Variants in OMA1 observed in about 807,000 individuals in gnomAD.
OMA1 encodes metalloendopeptidase OMA1, mitochondrial.
In OMA1, 38 loss-of-function variants were observed where a neutral mutation model predicts 30.9. The observed-to-expected ratio is 1.23, with a 90% CI of 0.95 to 1.61. OMA1 has a LOEUF of 1.61. OMA1 is among the 40% of genes most tolerant of loss of function. OMA1 has a pLI of 0.00. For synonymous variants in OMA1, 173 were observed against 121.9 expected (o/e 1.42, Z -2.76); for missense variants, 461 against 349.2 (o/e 1.32, Z -2.55).
chr1:58,485,243 A>T, intron 8 of OMA1, among the ~76,000 whole-genome samples: 1 of 149,898 alleles, frequency 6.7e-6, no homozygotes, highest in South Asian at 2.1e-4. Flanking sequence ...AAAAAAAAAA[A>T]AAAAAAAAAA....
intron 1 of OMA1, among the ~76,000 whole-genome samples, chr1:58,543,831 C>G (rs1646659643): frequency 6.6e-6 from 1 of 152,186 alleles, no homozygotes; most frequent in Non-Finnish European, 1.5e-5. Flanking sequence ...CACCATACAA[C>G]AGACCTTTCT....
At chr1:58,499,129 G>A (rs933579891) in intron 8 of OMA1, among the ~76,000 whole-genome samples, 1 of 151,804 alleles carries the variant, frequency 6.6e-6, no homozygotes, top group Non-Finnish European at 1.5e-5. Flanking sequence ...AATAAGCCAG[G>A]TACAGAAAGA....
chr1:58,490,895 T>C (rs1645673253), intron 8 of OMA1, among the ~76,000 whole-genome samples: 1 of 134,916 alleles, frequency 7.4e-6, no homozygotes, highest in African/African-American at 2.7e-5. Context: ...AAGCTCTGCC[T>C]CCTGGGTTCA....
At chr1:58,488,629 T>C (rs897527945) in intron 8 of OMA1, among the ~76,000 whole-genome samples, 1 of 152,178 alleles carries the variant, frequency 6.6e-6, no homozygotes, top group Non-Finnish European at 1.5e-5. Flanking sequence ...TTTTTGTATT[T>C]TTAGTAGAGA....
intron 7 of OMA1, among the ~76,000 whole-genome samples, chr1:58,512,424 C>G (rs1388768658): frequency 2.6e-5 from 4 of 152,174 alleles, no homozygotes; most frequent in Admixed American, 1.3e-4. Context: ...GAGTTGAAAT[C>G]AGGATCTCAA....
chr1:58,511,380 GT>G (rs1046534225), intron 7 of OMA1, among the ~76,000 whole-genome samples: 1 of 152,124 alleles, frequency 6.6e-6, no homozygotes, highest in Non-Finnish European at 1.5e-5. Flanking sequence ...AGGTATGGTG[GT>G]TCATATCTGT....
At chr1:58,523,426 T>C (rs1163822546) in intron 7 of OMA1, among the ~76,000 whole-genome samples, 1 of 152,170 alleles carries the variant, frequency 6.6e-6, no homozygotes, top group Non-Finnish European at 1.5e-5. Flanking sequence ...TTCTCTTCAA[T>C]AGCAGTAACA....
At chr1:58,490,667 A>C (rs1368342057) in intron 8 of OMA1, among the ~76,000 whole-genome samples, 2 of 152,234 alleles carry the variant, frequency 1.3e-5, no homozygotes, top group Non-Finnish European at 2.9e-5. Flanking sequence ...GAAATGAAGG[A>C]AAAAATGTTA....
At chr1:58,535,135 G>C (rs1271567758) in intron 3 of OMA1, among the ~76,000 whole-genome samples, 1 of 152,152 alleles carries the variant, frequency 6.6e-6, no homozygotes, top group African/African-American at 2.4e-5. Flanking sequence ...TGAATTCTCA[G>C]AACTAATGAG....
chr1:58,530,486 G>T, intron 6 of OMA1, 115 bp downstream of exon 6: 1 of 614,648 alleles, frequency 1.6e-6, no homozygotes, highest in South Asian at 2.4e-5. Flanking sequence ...CTAAAAATTC[G>T]TACCCATATT....
chr1:58,542,956 T>C (rs1244105662), intron 1 of OMA1, among the ~76,000 whole-genome samples: 4 of 149,600 alleles, frequency 2.7e-5, no homozygotes, highest in Non-Finnish European at 5.9e-5. Context: ...AACAAAGCAA[T>C]ATGAAAGCAA....
At chr1:58,493,065 A>G (rs1286135579) in intron 8 of OMA1, among the ~76,000 whole-genome samples, 1 of 152,222 alleles carries the variant, frequency 6.6e-6, no homozygotes, top group African/African-American at 2.4e-5. Context: ...AAGCTTATCC[A>G]CCATGATCAA....
rs141102685 is a variant in OMA1 at position 58,514,949 on chromosome 1, T to G, written c.1216-8740A>C. Among the ~76,000 whole-genome samples the G allele has an allele frequency of 1.7e-3, 254 of 152,292 alleles. No homozygotes were observed. The Middle Eastern group carries it at 0.017, about 10-fold the overall frequency. Reference sequence around the variant, plus strand: ...GTTTACCTATACCTCACAGGGTTGTTATGAAGATCAAAAGAATAAATACAT... The same window carrying G: ...GTTTACCTATACCTCACAGGGTTGTGATGAAGATCAAAAGAATAAATACAT... On this transcript the variant is annotated intron_variant, in intron 7 of 8. Coordinates refer to ENST00000371226, the MANE Select transcript of OMA1 (RefSeq NM_145243.5).
chr1:58,535,589 C>CT (rs1282210648), intron 3 of OMA1, among the ~76,000 whole-genome samples: 1 of 98,430 alleles, frequency 1.0e-5, no homozygotes, highest in Admixed American at 1.3e-4. Flanking sequence ...GAGCAAGTCT[C>CT]TGTCTCAAAA....
intron 8 of OMA1, among the ~76,000 whole-genome samples, chr1:58,496,510 G>A (rs118095617): frequency 1.3e-5 from 2 of 152,124 alleles, no homozygotes; most frequent in East Asian, 1.9e-4. Context: ...TTTGTTTTTC[G>A]TATTTCTGCT....
At chr1:58,511,141 T>C (rs904915109) in intron 7 of OMA1, among the ~76,000 whole-genome samples, 4 of 152,250 alleles carry the variant, frequency 2.6e-5, no homozygotes, top group South Asian at 2.1e-4. Context: ...AAAATTCACA[T>C]GGAACCACAA....
At chr1:58,541,626 A>AC (rs1646619522) in intron 1 of OMA1, 1 of 99,734 alleles carries the variant, frequency 1.0e-5, no homozygotes, top group African/African-American at 4.2e-5. Flanking sequence ...AAAAAAAAAA[A>AC]AAAAAAAAAA....
At chr1:58,545,901 C>A (rs905567) in intron 1 of OMA1, among the ~76,000 whole-genome samples, 98,773 of 152,062 alleles carry the variant, frequency 0.65, 34,176 homozygotes, top group East Asian at 0.94. Flanking sequence ...GGTTCTTAAG[C>A]TTCCAAATGT....
intron 8 of OMA1, among the ~76,000 whole-genome samples, chr1:58,483,500 A>G (rs1406314118): frequency 6.6e-6 from 1 of 152,182 alleles, no homozygotes; most frequent in African/African-American, 2.4e-5. Context: ...TTGAAAAAAC[A>G]TTACTTAACG....
Sources: gnomAD v4.1 joint callset for allele counts (sites outside exome capture counted in the v4.1 genomes callset) on GRCh38, gnomAD v4.1.1 for gene constraint, MANE v1.5 for transcripts, NCBI Gene and HGNC (gene_info 2026-07-23, HGNC 2026-07-21) for gene names.